DCX: variants seen among roughly 807,000 people sequenced by gnomAD.
DCX encodes the protein neuronal migration protein doublecortin.
A neutral mutation model predicts 20.9 loss-of-function variants in DCX; 4 were observed. The observed-to-expected ratio is 0.19, with a 90% CI of 0.09 to 0.44. The LOEUF is 0.44. DCX is among the 20% of genes least tolerant of loss of function. The probability of loss-of-function intolerance (pLI) is 0.99; values close to 1 mark genes in which losing one functional copy is unlikely to be tolerated. For synonymous variants in DCX, 103 were observed against 111.4 expected (o/e 0.92, Z 0.47); for missense variants, 133 against 296.9 (o/e 0.45, Z 4.06).
intron 3 of DCX, among the ~76,000 whole-genome samples, chrX:111,358,798 C>T (rs930445354): frequency 4.5e-5 from 5 of 111,794 alleles, no homozygotes; most frequent in African/African-American, 1.6e-4. Context: ...TTTTTCTATA[C>T]TCCAGCAATA....
chrX:111,350,684 C>T (rs894441101), intron 3 of DCX, among the ~76,000 whole-genome samples: 3 of 112,112 alleles, frequency 2.7e-5, no homozygotes, highest in African/African-American at 9.7e-5. Flanking sequence ...CAGTCAATTC[C>T]ACCACAAGAG....
At chrX:111,391,054 A>C (rs1926907106) in intron 3 of DCX, among the ~76,000 whole-genome samples, 1 of 110,811 alleles carries the variant, frequency 9.0e-6, no homozygotes, top group Admixed American at 9.7e-5. Context: ...ACATGGTAAC[A>C]ATCAAGTTCT....
chrX:111,318,616 T>C (rs910905476), intron 5 of DCX, among the ~76,000 whole-genome samples: 6 of 110,882 alleles, frequency 5.4e-5, no homozygotes, highest in African/African-American at 2.0e-4. Context: ...TATGCAGCCA[T>C]GAAAAAGAAC....
chrX:111,295,613 T>A lies in DCX; in HGVS notation c.*6074A>T, dbSNP rs1242925659. On this transcript the variant is annotated 3_prime_UTR_variant, in exon 7 of 7. Coordinates refer to ENST00000636035, the MANE Select transcript of DCX (RefSeq NM_001195553.2). Reference sequence around the variant, plus strand: ...TTACCTGTGGTCCCTCATTATATTATATTGCAGCTTTAAAAATTATGGGCA... The same window carrying A: ...TTACCTGTGGTCCCTCATTATATTAAATTGCAGCTTTAAAAATTATGGGCA... 8.9e-6 allele frequency: 1 copy of A among 111,910 alleles called. No homozygotes were observed. The highest frequency in any genetic ancestry group is 1.9e-5 in the Non-Finnish European group (1 of 53,172). The allele number at this position is 111,910 out of a possible 1,213,427, so 9.2% of individuals were successfully genotyped here.
intron 3 of DCX, among the ~76,000 whole-genome samples, chrX:111,365,392 C>T (rs1231252936): frequency 9.1e-6 from 1 of 109,721 alleles, no homozygotes; most frequent in African/African-American, 3.3e-5. Context: ...TTATGGGGTA[C>T]ATGAGATGCT....
intron 3 of DCX, among the ~76,000 whole-genome samples, chrX:111,346,270 G>A (rs1228918069): frequency 9.0e-6 from 1 of 111,683 alleles, no homozygotes; most frequent in Non-Finnish European, 1.9e-5. Context: ...TTTGGCTTTT[G>A]TGTTCAATCT....
intron 1 of DCX, 43 bp from the exon 2 acceptor site, chrX:111,410,463 C>G (rs1015008408): frequency 2.5e-5 from 30 of 1,187,641 alleles, no homozygotes; most frequent in Non-Finnish European, 2.9e-5. Context: ...GAGGCAAAAA[C>G]AAAAAGGGAC....
Position 111,393,762 on chromosome X carries a change from G to A in DCX, c.705+7228C>T, listed in dbSNP as rs764878198. Among the ~76,000 whole-genome samples the A allele has an allele frequency of 1.1e-3, 127 of 110,699 alleles. 1 individual carries two copies. Among genetic ancestry groups the A allele is most frequent in the African/African-American group, 3.8e-3 (115 of 30,596 alleles). On this transcript the variant is annotated intron_variant, in intron 3 of 6. Transcript: ENST00000636035. ...TGATATCATTAATCATTAATCACTA[G>A]GGAAATGCAAACAAATCAAGAAAAA...
intron 3 of DCX, among the ~76,000 whole-genome samples, chrX:111,333,527 T>TGGGCCAAGGAAGATGAGAAAAATCTTC (rs1921454314): frequency 8.9e-6 from 1 of 111,853 alleles, no homozygotes; most frequent in East Asian, 2.8e-4. Flanking sequence ...GGCAAGGGAC[T>TGGGCCAAGGAAGATGAGAAAAATCTTC]GGGCCAAGGA....
chrX:111,357,265 G>A (rs1324187799), intron 3 of DCX, among the ~76,000 whole-genome samples: 1 of 111,675 alleles, frequency 9.0e-6, no homozygotes, highest in African/African-American at 3.3e-5. Flanking sequence ...AGTCCACTAA[G>A]TAACTATGTA....
chrX:111,318,922 G>A (rs2095080355), intron 5 of DCX, among the ~76,000 whole-genome samples: 3 of 111,637 alleles, frequency 2.7e-5, no homozygotes, highest in Non-Finnish European at 5.6e-5. Flanking sequence ...TATAACAAAT[G>A]TGCACATGTA....
rs1363795060 is a variant in DCX, at chrX:111,327,613, G to A, written c.946+3291C>T. Among the ~76,000 whole-genome samples, 22 of 111,800 alleles carry A rather than the reference G, an allele frequency of 2.0e-4. No individual in the cohort carries two copies. The Admixed American group carries it at 2.0e-3, about 10-fold the overall frequency. On this transcript the variant is annotated intron_variant, in intron 5 of 6. Coordinates refer to ENST00000636035, the MANE Select transcript of DCX (RefSeq NM_001195553.2). ...TTCTGAATTATCTAACGATGATATCGAATCTCAGAAAAGGCAAAAATCTTG... is the reference window on the plus strand; with the variant it reads ...TTCTGAATTATCTAACGATGATATCAAATCTCAGAAAAGGCAAAAATCTTG...
intron 5 of DCX, among the ~76,000 whole-genome samples, chrX:111,318,199 A>AG (rs1273380105): frequency 9.5e-6 from 1 of 105,499 alleles, no homozygotes; most frequent in East Asian, 2.9e-4. Flanking sequence ...AAAAAAAAAA[A>AG]AAAAAGTAAA....
chrX:111,318,118 G>A (rs1381486724), intron 5 of DCX, among the ~76,000 whole-genome samples: 3 of 103,324 alleles, frequency 2.9e-5, no homozygotes, highest in African/African-American at 1.1e-4. Flanking sequence ...CAGGGAGGCG[G>A]AGGTTGCAGT....
chrX:111,391,382 T>A, intron 3 of DCX, among the ~76,000 whole-genome samples: 1 of 111,534 alleles, frequency 9.0e-6, no homozygotes, highest in Non-Finnish European at 1.9e-5. Context: ...TTAAACCACT[T>A]TTTTTCATAA....
intron 5 of DCX, among the ~76,000 whole-genome samples, chrX:111,314,693 A>G (rs1027355381): frequency 8.9e-6 from 1 of 111,748 alleles, no homozygotes; most frequent in Non-Finnish European, 1.9e-5. Flanking sequence ...AGTAAATTAT[A>G]TGTTATGTAA....
chrX:111,378,904 G>A (rs920840608), intron 3 of DCX, among the ~76,000 whole-genome samples: 5 of 111,842 alleles, frequency 4.5e-5, no homozygotes, highest in African/African-American at 1.6e-4. Context: ...CCCTCCAAGA[G>A]GCTTCACATA....
intron 3 of DCX, among the ~76,000 whole-genome samples, chrX:111,367,551 C>T (rs145852459): frequency 1.5e-4 from 17 of 111,769 alleles, no homozygotes; most frequent in African/African-American, 5.5e-4. Flanking sequence ...AGAGATAATG[C>T]TCTGCTGTAA....
intron 2 of DCX, among the ~76,000 whole-genome samples, chrX:111,406,647 G>C (rs1263594730): frequency 8.9e-6 from 1 of 112,054 alleles, no homozygotes; most frequent in Non-Finnish European, 1.9e-5. Context: ...GAACAACATA[G>C]ATAAAATTTG....
Sources: allele counts gnomAD v4.1 joint callset (sites outside exome capture counted in the v4.1 genomes callset), GRCh38; gene constraint gnomAD v4.1.1; transcripts MANE v1.5; gene names NCBI Gene and HGNC (gene_info 2026-07-23, HGNC 2026-07-21).